Variants in MAPK10 observed in about 807,000 individuals in gnomAD.
MAPK10 encodes the protein JNK3 alpha protein kinase.
MAPK10 carries 25 observed loss-of-function variants against 59.3 expected under a neutral mutation model. The observed-to-expected ratio is 0.42, with a 90% CI of 0.31 to 0.59. MAPK10 has a LOEUF of 0.59. MAPK10 is among the 20% of genes least tolerant of loss of function. The pLI is 0.15. For missense variants in MAPK10, 351 were observed against 568.9 expected (o/e 0.62, Z 3.90); for synonymous variants, 190 against 200.5 (o/e 0.95, Z 0.44).
chr4:86,387,081 A>G (rs920987301), intron 1 of MAPK10, among the ~76,000 whole-genome samples: 2 of 152,230 alleles, frequency 1.3e-5, no homozygotes, highest in African/African-American at 4.8e-5. Flanking sequence ...TATGGAAAAG[A>G]CAAATTCTGG....
chr4:86,488,947 G>C (rs1026120737), intron 1 of MAPK10, among the ~76,000 whole-genome samples: 2 of 152,230 alleles, frequency 1.3e-5, no homozygotes, highest in African/African-American at 4.8e-5. Flanking sequence ...CAAAGATGCA[G>C]CAGAGGCTTG....
upstream of MAPK10, among the ~76,000 whole-genome samples, chr4:86,456,190 C>T (rs993767068): frequency 6.6e-6 from 1 of 152,046 alleles, no homozygotes; most frequent in African/African-American, 2.4e-5. Context: ...GCTCTAAATG[C>T]CTACATAAAA....
chr4:86,113,901 T>G (rs890706242), intron 4 of MAPK10, among the ~76,000 whole-genome samples: 2 of 152,212 alleles, frequency 1.3e-5, no homozygotes, highest in African/African-American at 4.8e-5. Flanking sequence ...CTCAGAAGTT[T>G]TGTTCATTCC....
intron 1 of MAPK10, among the ~76,000 whole-genome samples, chr4:86,519,828 A>G (rs1381438356): frequency 6.6e-6 from 1 of 152,152 alleles, no homozygotes; most frequent in East Asian, 1.9e-4. Flanking sequence ...AAATTCTCTC[A>G]GGATTTGTTT....
At position 86,083,865 on chromosome 4, in the gene MAPK10, C is replaced by G. The variant is rs186977276; in HGVS notation, c.802+14659G>C. 1.2e-3 allele frequency among the ~76,000 whole-genome samples: 182 copies of G among 152,236 alleles called. 2 individuals are homozygous for G. Among genetic ancestry groups the G allele is most frequent in the African/African-American group, 4.3e-3 (177 of 41,550 alleles). On this transcript the variant is annotated intron_variant, in intron 9 of 13. Coordinates refer to ENST00000641462, the MANE Select transcript of MAPK10 (RefSeq NM_138982.4). ...TCTTGCATTTTGGATATCAGCTCAA[C>G]CACAGTAGGCTAGGGCACCAGTCAG...
intron 13 of MAPK10, chr4:86,024,684 C>G (rs1052685077): frequency 2.0e-5 from 3 of 152,190 alleles, no homozygotes; most frequent in African/African-American, 4.8e-5. Flanking sequence ...TGAGGAAAAG[C>G]AAGTTCCTTC....
At position 86,492,530 on chromosome 4, in the gene MAPK10, G is replaced by A. The variant is rs1464626014; in HGVS notation, c.-263+101380C>T. Reference sequence around the variant, plus strand: ...AATTCTTGCACCATCATACATGTGAGCTCTATGACCTTGGCAAGTCACTTG... The same window carrying A: ...AATTCTTGCACCATCATACATGTGAACTCTATGACCTTGGCAAGTCACTTG... On this transcript the variant is annotated intron_variant, in intron 1 of 4. Transcript: ENST00000502302. Among the ~76,000 whole-genome samples the A allele has an allele frequency of 3.9e-5, 6 of 152,322 alleles. No homozygotes were observed. The East Asian group carries it at 7.7e-4, about 20-fold the overall frequency.
chr4:86,075,794 C>T (rs1173935410), intron 9 of MAPK10, among the ~76,000 whole-genome samples: 3 of 152,126 alleles, frequency 2.0e-5, no homozygotes, highest in Non-Finnish European at 2.9e-5. Flanking sequence ...CTGCTCTCTT[C>T]AAAGCTGTCA....
At chr4:86,142,085 A>G (rs1255671379) in intron 4 of MAPK10, among the ~76,000 whole-genome samples, 1 of 152,192 alleles carries the variant, frequency 6.6e-6, no homozygotes, top group Admixed American at 6.5e-5. Context: ...TCACTACTGT[A>G]AGAACTGCAC....
intron 1 of MAPK10, among the ~76,000 whole-genome samples, chr4:86,549,579 G>A (rs1311210118): frequency 2.6e-5 from 4 of 152,208 alleles, no homozygotes; most frequent in African/African-American, 9.6e-5. Context: ...AGTGAGTGGT[G>A]ACTAAATGTG....
chr4:86,230,785 T>C (rs1163452871), intron 2 of MAPK10, among the ~76,000 whole-genome samples: 4 of 152,188 alleles, frequency 2.6e-5, no homozygotes, highest in Admixed American at 6.5e-5. Context: ...CAAAATAGCA[T>C]ATAACAACAT....
At chr4:86,260,688 C>A (rs527888192) in intron 2 of MAPK10, among the ~76,000 whole-genome samples, 20 of 152,042 alleles carry the variant, frequency 1.3e-4, no homozygotes, top group African/African-American at 3.9e-4. Context: ...AAAGAAAACA[C>A]GTGACTGGCT....
chr4:86,264,924 ACT>A (rs1334148921), intron 2 of MAPK10, among the ~76,000 whole-genome samples: 1 of 114,258 alleles, frequency 8.8e-6, no homozygotes, highest in Non-Finnish European at 1.7e-5. Context: ...GTGGGGTCTC[ACT>A]CTGTCACCCA....
chr4:86,369,239 C>G (rs184792659), intron 1 of MAPK10, among the ~76,000 whole-genome samples: 63 of 152,126 alleles, frequency 4.1e-4, no homozygotes, highest in African/African-American at 1.5e-3. Flanking sequence ...GGCTAAGAAG[C>G]AAAATATGAG....
chr4:86,421,342 T>C (rs1015830006), intron 1 of MAPK10, among the ~76,000 whole-genome samples: 1 of 152,112 alleles, frequency 6.6e-6, no homozygotes, highest in African/African-American at 2.4e-5. Context: ...CTAATAACAA[T>C]AAATTATAAA....
intron 9 of MAPK10, chr4:86,080,144 ACAT>A (rs1159073996): frequency 6.6e-6 from 1 of 152,086 alleles, no homozygotes; most frequent in African/African-American, 2.4e-5. Flanking sequence ...TTTTGTACAC[ACAT>A]AATATAAAGA....
intron 1 of MAPK10, among the ~76,000 whole-genome samples, chr4:86,391,928 G>T (rs1345698938): frequency 6.6e-6 from 1 of 152,164 alleles, no homozygotes; most frequent in Non-Finnish European, 1.5e-5. Context: ...CACAGGTTTA[G>T]CAGTACATTC....
chr4:86,171,456 G>T (rs569509943), intron 3 of MAPK10, among the ~76,000 whole-genome samples: 45 of 152,022 alleles, frequency 3.0e-4, no homozygotes, highest in African/African-American at 9.2e-4. Context: ...TGACAAACCT[G>T]AGAAAAACAA....
intron 1 of MAPK10, among the ~76,000 whole-genome samples, chr4:86,583,704 G>C (rs528308151): frequency 6.6e-6 from 1 of 152,136 alleles, no homozygotes; most frequent in Admixed American, 6.6e-5. Flanking sequence ...AACCCTTTCT[G>C]TTTAAGCCAC....
Sources: gnomAD v4.1 joint callset for allele counts (sites outside exome capture counted in the v4.1 genomes callset) on GRCh38, gnomAD v4.1.1 for gene constraint, MANE v1.5 for transcripts, NCBI Gene and HGNC (gene_info 2026-07-23, HGNC 2026-07-21) for gene names.